EYS: variants seen among roughly 807,000 people sequenced by gnomAD.
EYS encodes the protein EGF-like photoreceptor maintenance factor.
A neutral mutation model predicts 282.1 loss-of-function variants in EYS; 250 were observed. That is an observed-to-expected ratio of 0.89 (90% confidence interval 0.80 to 0.98). EYS has a LOEUF of 0.98. Ranked by LOEUF, EYS falls within the 50% of genes least tolerant of loss-of-function variation. EYS has a pLI of 0.00. For synonymous variants in EYS, 1,355 were observed against 1,282.9 expected, an observed-to-expected ratio of 1.06 and a Z score of -1.20; for missense variants, 4,016 against 3,709.0, an observed-to-expected ratio of 1.08 and a Z score of -2.15.
intron 33 of EYS, among the ~76,000 whole-genome samples, chr6:64,058,653 C>A (rs1271566201): frequency 1.3e-5 from 2 of 152,120 alleles, no homozygotes; most frequent in African/African-American, 4.8e-5. Flanking sequence ...TGTTCTCTGA[C>A]CCCCATCAAT....
intron 5 of EYS, among the ~76,000 whole-genome samples, chr6:65,464,172 T>C (rs1007725234): frequency 1.3e-5 from 2 of 152,138 alleles, no homozygotes; most frequent in Admixed American, 1.3e-4. Flanking sequence ...CATTCAAAAG[T>C]ATACACATTG....
chr6:65,036,117 G>T (rs1438172544), intron 13 of EYS, among the ~76,000 whole-genome samples: 2 of 151,478 alleles, frequency 1.3e-5, no homozygotes, highest in East Asian at 3.9e-4. Flanking sequence ...AGCAGGCACT[G>T]GTACAATAAC....
chr6:65,539,492 T>C (rs777077824), intron 2 of EYS, among the ~76,000 whole-genome samples: 4 of 152,168 alleles, frequency 2.6e-5, no homozygotes, highest in Non-Finnish European at 4.4e-5. Context: ...TTAAACAGAA[T>C]GATAACACTC....
intron 5 of EYS, among the ~76,000 whole-genome samples, chr6:65,480,729 T>C (rs58432626): frequency 1.0e-3 from 152 of 152,234 alleles, no homozygotes; most frequent in African/African-American, 3.6e-3. Context: ...AAGAGATGCC[T>C]GGATAAAGAA....
chr6:64,406,824 G>A (rs947307077), intron 28 of EYS, among the ~76,000 whole-genome samples: 1 of 152,178 alleles, frequency 6.6e-6, no homozygotes, highest in African/African-American at 2.4e-5. Context: ...GAGAGGATGT[G>A]GAGAAATAGG....
At chr6:64,094,777 A>G (rs1354856619) in intron 31 of EYS, among the ~76,000 whole-genome samples, 1 of 151,758 alleles carries the variant, frequency 6.6e-6, no homozygotes, top group East Asian at 1.9e-4. Flanking sequence ...GATCTCAGTT[A>G]TTTCTTGCCT....
At chr6:64,488,299 C>T (rs1182064915) in intron 26 of EYS, among the ~76,000 whole-genome samples, 1 of 150,942 alleles carries the variant, frequency 6.6e-6, no homozygotes, top group African/African-American at 2.4e-5. Context: ...CTTGGCTCAG[C>T]CAAACTTGGA....
intron 30 of EYS, among the ~76,000 whole-genome samples, chr6:64,262,336 A>G (rs544221083): frequency 2.6e-5 from 4 of 151,334 alleles, no homozygotes; most frequent in Middle Eastern, 3.4e-3. Context: ...TATATTGTAT[A>G]TATTTAATTT....
intron 19 of EYS, among the ~76,000 whole-genome samples, chr6:64,883,022 C>A (rs896939394): frequency 3.3e-5 from 5 of 151,494 alleles, no homozygotes; most frequent in Middle Eastern, 3.4e-3. Context: ...TCAGTACTTG[C>A]AATAGGATAA....
rs557846376 is a variant in EYS at position 64,093,778 on chromosome 6, C to T, written c.6425-11776G>A. ...TGCTGCCTGATTGCCCTGGCCAGAA[C>T]TTCCAACACTATGTTGAATAGGAGT... is the stretch of plus-strand genomic sequence containing the variant. On this transcript the variant is annotated intron_variant, in intron 31 of 42. Transcript: ENST00000503581. Among the ~76,000 whole-genome samples, 86 of 152,252 alleles carry T rather than the reference C, an allele frequency of 5.6e-4. 2 individuals are homozygous for T. The South Asian group carries it at 1.0e-2, about 18-fold the overall frequency.
At chr6:63,889,589 C>T (rs1225566005) in intron 35 of EYS, among the ~76,000 whole-genome samples, 1 of 152,148 alleles carries the variant, frequency 6.6e-6, no homozygotes, top group Admixed American at 6.5e-5. Flanking sequence ...TTTGTCACCA[C>T]TAGGCCTGCC....
At chr6:65,260,346 A>G (rs779551292) in intron 12 of EYS, among the ~76,000 whole-genome samples, 4 of 152,044 alleles carry the variant, frequency 2.6e-5, no homozygotes, top group Admixed American at 6.6e-5. Flanking sequence ...ATATCACTCA[A>G]TTTCAAAGAC....
intron 26 of EYS, among the ~76,000 whole-genome samples, chr6:64,548,382 T>C (rs1397818584): frequency 2.6e-5 from 4 of 152,192 alleles, no homozygotes; most frequent in Non-Finnish European, 4.4e-5. Flanking sequence ...TGAAAACGTA[T>C]GTTTATTGCG....
At chr6:64,782,480 C>T (rs544258059) in intron 22 of EYS, among the ~76,000 whole-genome samples, 31 of 152,324 alleles carry the variant, frequency 2.0e-4, no homozygotes, top group African/African-American at 7.5e-4. Flanking sequence ...CTTTTAAGGA[C>T]TGACACTAAA....
Position 65,120,173 on chromosome 6 carries a change from C to A in EYS, c.2024-62446G>T, listed in dbSNP as rs980219979. 5.1e-3 allele frequency among the ~76,000 whole-genome samples: 650 copies of A among 126,270 alleles called. 20 individuals are homozygous for A. The highest frequency in any genetic ancestry group is 0.017 in the Middle Eastern group (4 of 240). The allele number at this position is 126,270 out of a possible 152,430, so 82.8% of individuals were successfully genotyped here. On this transcript the variant is annotated intron_variant, in intron 12 of 42. Coordinates refer to ENST00000503581, the MANE Select transcript of EYS (RefSeq NM_001142800.2). ...TCTCAAAAAAAAAAAAAAACAAAAA[C>A]AAATTTAAAAAAAACCCCAACCAAC...
rs534225189 is a variant in EYS, at chr6:64,454,307, A to G, written c.5645-14955T>C. ...GTTTTTTGATGAGATTTTGTATAGC[A>G]TAGGTCACGTTCTGCATATTGTTCT... On this transcript the variant is annotated intron_variant, in intron 26 of 42. Transcript: ENST00000503581. Among the ~76,000 whole-genome samples, 11 of 152,242 alleles carry G rather than the reference A, an allele frequency of 7.2e-5. No homozygotes were observed. The East Asian group carries it at 1.9e-3, about 27-fold the overall frequency.
chr6:64,997,232 C>T (rs1165983803), intron 14 of EYS, among the ~76,000 whole-genome samples: 1 of 152,030 alleles, frequency 6.6e-6, no homozygotes, highest in East Asian at 1.9e-4. Flanking sequence ...AATGTAATAC[C>T]ATGAGTTAGA....
chr6:64,390,393 A>G (rs1049379240), intron 28 of EYS, among the ~76,000 whole-genome samples: 2 of 152,040 alleles, frequency 1.3e-5, no homozygotes, highest in Non-Finnish European at 2.9e-5. Context: ...CTTTGAAGAG[A>G]GCAGTGGTTC....
At chr6:65,488,678 G>A (rs998754012) in intron 5 of EYS, among the ~76,000 whole-genome samples, 6 of 151,906 alleles carry the variant, frequency 3.9e-5, no homozygotes, top group African/African-American at 1.4e-4. Flanking sequence ...AGACAATCCT[G>A]GGCAAGAAGA....
Sources: allele counts gnomAD v4.1 joint callset (sites outside exome capture counted in the v4.1 genomes callset), GRCh38; gene constraint gnomAD v4.1.1; transcripts MANE v1.5; gene names NCBI Gene and HGNC (gene_info 2026-07-23, HGNC 2026-07-21).